Variants in SPEN observed in about 807,000 individuals in gnomAD.
SPEN encodes msx2-interacting protein.
A neutral mutation model predicts 269.9 loss-of-function variants in SPEN; 18 were observed. The ratio of observed to expected loss-of-function variants is 0.07; its 90% CI spans 0.05 to 0.10. SPEN has a LOEUF of 0.10. Among genes scored for constraint, SPEN ranks in the 10% least tolerant of loss-of-function variants. The pLI is 1.00. For synonymous variants in SPEN, 1,726 were observed against 1,765.7 expected (o/e 0.98, Z 0.56); for missense variants, 3,822 against 4,631.2 (o/e 0.83, Z 5.07).
chr1:15,918,961 G>A lies in SPEN; in HGVS notation c.1431G>A (p.Gln477=), dbSNP rs146324760. ...IDIKKVNGVP[Q]YAFLQYCDIA... ...TTAAGAAAGTAAATGGAGTTCCTCA[G>A]TATGCGTTTCTGCAATACTGTGATA... The change falls in exon 7 of 15, where the codon CAG becomes CAA. Residue 477 remains glutamine (Q), a synonymous_variant. Coordinates refer to ENST00000375759, the MANE Select transcript of SPEN (RefSeq NM_015001.3). 1,501 of 1,610,976 alleles carry A rather than the reference G, an allele frequency of 9.3e-4. 1 individual carries two copies. The highest frequency in any genetic ancestry group is 1.2e-3 in the Non-Finnish European group (1,375 of 1,178,562).
At chr1:15,914,855 A>G (rs1036492894) in intron 5 of SPEN, among the ~76,000 whole-genome samples, 1 of 152,178 alleles carries the variant, frequency 6.6e-6, no homozygotes, top group Non-Finnish European at 1.5e-5. Context: ...AGAAGCCGTA[A>G]CAATCATTTC....
Position 15,932,980 on chromosome 1 carries a change from T to G in SPEN, c.6740T>G (p.Leu2247Arg). Reference protein sequence around the residue: ...PPYPGESQTDLQPPAGAQALQ... With the variant: ...PPYPGESQTDRQPPAGAQALQ... ...TATCCTGGAGAATCCCAGACAGATC[T>G]GCAACCCCCCGCAGGTGCACAGGCG... is the stretch of plus-strand genomic sequence containing the variant. The change falls in exon 11 of 15, where the codon CTG becomes CGG. Residue 2247 changes from leucine (L) to arginine (R), a missense_variant. By Grantham distance (102) the Leu-to-Arg change is moderately radical. Coordinates refer to ENST00000375759, the MANE Select transcript of SPEN (RefSeq NM_015001.3). This position sits in a 1 kb window ranked among gnomAD's most constrained non-coding sequence, Gnocchi z 4.2. 2 of 1,614,220 alleles carry G rather than the reference T, an allele frequency of 1.2e-6. No individual in the cohort carries two copies. Among genetic ancestry groups the G allele is most frequent in the Non-Finnish European group, 1.7e-6 (2 of 1,180,028 alleles).
intron 1 of SPEN, among the ~76,000 whole-genome samples, chr1:15,859,144 T>TTG (rs988624990): frequency 1.3e-5 from 2 of 149,496 alleles, no homozygotes; most frequent in African/African-American, 4.9e-5. Flanking sequence ...TTTTTAGTTT[T>TTG]TTTTTTTTTT....
chr1:15,904,366 TGAGGCAGGA>T lies in SPEN; in HGVS notation c.882-4952_882-4944del, dbSNP rs2070931900. On this transcript the variant is annotated intron_variant, in intron 3 of 14. Coordinates refer to ENST00000375759, the MANE Select transcript of SPEN (RefSeq NM_015001.3). The stretch of plus-strand genomic sequence containing the variant: ...GCGGCCAACAAACTACTTGGGAGGC[TGAGGCAGGA>T]GAATCACTTGAACCTGGAAGGTGGA... 6.3e-5 allele frequency among the ~76,000 whole-genome samples: 9 copies of T among 143,092 alleles called. No individual in the cohort carries two copies. The South Asian group carries it at 1.9e-3, about 31-fold the overall frequency. 93.9% of individuals were successfully genotyped at this position (143,092 alleles called of 152,430 possible). A position where few individuals can be genotyped will look rare whatever the true frequency, so the allele number is the denominator to read the frequency against.
chr1:15,904,452 C>CAAAAAAAAAAAAAAAAAAAAAAAAAAAAA lies in SPEN; in HGVS notation c.882-4844_882-4843insAAAAAAAAAAAAAAAAAAAAAAAAAAAAA, dbSNP rs1215369183. ...GGGCAATAAGAGCGAAACTCCATCT[C>CAAAAAAAAAAAAAAAAAAAAAAAAAAAAA]AAAAAAAAAAAAAAAAAAAAAAAAA... On this transcript the variant is annotated intron_variant, in intron 3 of 14. Transcript: ENST00000375759. Among the ~76,000 whole-genome samples, 17 of 48,630 alleles carry CAAAAAAAAAAAAAAAAAAAAAAAAAAAAA rather than the reference C, an allele frequency of 3.5e-4. 1 individual carries two copies. Among genetic ancestry groups the CAAAAAAAAAAAAAAAAAAAAAAAAAAAAA allele is most frequent in the Non-Finnish European group, 4.6e-4 (11 of 23,740 alleles). The allele number at this position is 48,630 out of a possible 152,430, so 31.9% of individuals were successfully genotyped here.
Position 15,929,197 on chromosome 1 carries a change from G to T in SPEN, c.2957G>T (p.Arg986Met). 1 of 1,614,190 alleles carries T rather than the reference G, an allele frequency of 6.2e-7. No individual in the cohort carries two copies. The highest frequency in any genetic ancestry group is 1.3e-5 in the African/African-American group (1 of 75,048). Residue 986 changes from arginine to methionine, a missense_variant, in exon 11 of 15, where the codon AGG becomes ATG. Arg to Met is a moderately conservative substitution (Grantham distance 91, BLOSUM62 -1). Coordinates refer to ENST00000375759, the MANE Select transcript of SPEN (RefSeq NM_015001.3). The surrounding 1 kb of genome is among the most constrained non-coding windows in gnomAD (Gnocchi z 5.8). ...CTGGAGAAGCTGGAAGCCAGGAAAA[G>T]GCGCTTTGCAGATTCCAATTTAAAA... Reference protein sequence around the residue: ...VDLEKLEARKRRFADSNLKAE... With the variant: ...VDLEKLEARKMRFADSNLKAE...
chr1:15,879,579 GATT>G (rs2070666807), intron 3 of SPEN, among the ~76,000 whole-genome samples: 1 of 152,116 alleles, frequency 6.6e-6, no homozygotes, highest in Non-Finnish European at 1.5e-5. Flanking sequence ...GATTTTTGAT[GATT>G]ATTTTATCAA....
intron 9 of SPEN, among the ~76,000 whole-genome samples, chr1:15,921,198 G>A (rs1054952933): frequency 1.2e-4 from 19 of 152,124 alleles, no homozygotes; most frequent in Admixed American, 2.6e-4. Flanking sequence ...GCTTGGTGGC[G>A]CGTGCCTGTT....
chr1:15,856,611 A>G (rs147432361), intron 1 of SPEN, among the ~76,000 whole-genome samples: 2,331 of 134,494 alleles, frequency 0.017, 22 homozygotes, highest in Non-Finnish European at 0.026. Context: ...TGTGTCACCC[A>G]GGCTGGAGTG....
At chr1:15,914,558 C>T (rs181782650) in intron 5 of SPEN, among the ~76,000 whole-genome samples, 6 of 152,308 alleles carry the variant, frequency 3.9e-5, no homozygotes, top group East Asian at 1.9e-4. Flanking sequence ...CGTCGTGGCT[C>T]ACACCTGTAA....
Position 15,933,072 on chromosome 1 carries a change from G to C in SPEN, c.6832G>C (p.Ala2278Pro), listed in dbSNP as rs2071238005. Residue 2278 changes from alanine to proline, a missense_variant, in exon 11 of 15, where the codon GCT becomes CCT. This residue lies in a region of SPEN where 727 missense variants were observed against 737.9 expected (regional missense o/e 0.99). Transcript: ENST00000375759. The surrounding 1 kb of genome is among the most constrained non-coding windows in gnomAD (Gnocchi z 5.7). ...ATCTGGCATCCTGGAAACTGAGGCT[G>C]CTACAGAATCTTCTAGGCCTCCAGT... ...AVSGILETEA[A>P]TESSRPPVNA... is the part of the protein sequence containing the mutation. 6.2e-7 allele frequency: 1 copy of C among 1,614,014 alleles called. No individual in the cohort carries two copies. The highest frequency in any genetic ancestry group is 8.5e-7 in the Non-Finnish European group (1 of 1,179,976).
rs1460179252 is a variant in SPEN, at chr1:15,934,200, C to T, written c.7960C>T (p.Leu2654Phe). The T allele has an allele frequency of 6.2e-7, 1 of 1,614,140 alleles. No homozygotes were observed. Among genetic ancestry groups the T allele is most frequent in the African/African-American group, 1.3e-5 (1 of 74,948 alleles). The change falls in exon 11 of 15, where the codon CTC becomes TTC. Residue 2654 changes from leucine to phenylalanine, a missense_variant. By Grantham distance (22) the Leu-to-Phe change is conservative. Around this residue, in one of 16 missense-constraint regions of SPEN, gnomAD observed 329 missense variants for 431.2 expected, o/e 0.76. Coordinates refer to ENST00000375759, the MANE Select transcript of SPEN (RefSeq NM_015001.3). The surrounding 1 kb of genome is among the most constrained non-coding windows in gnomAD (Gnocchi z 9.2). ...AACCCTCACTGGTCTGGTGAGCGCA[C>T]TCACTGGCCTGGTGAACGTCTCCCT... The part of the protein sequence containing the change: ...PQTLTGLVSA[L>F]TGLVNVSLVP...
chr1:15,862,060 A>T lies in SPEN; in HGVS notation c.84-10756A>T, dbSNP rs148408785. 5.5e-4 allele frequency among the ~76,000 whole-genome samples: 83 copies of T among 152,172 alleles called. 1 individual carries two copies. The East Asian group carries it at 0.015, about 28-fold the overall frequency. On this transcript the variant is annotated intron_variant, in intron 1 of 14. Transcript: ENST00000375759. ...CCGTCTCAAAAAATAAAAAAACAAA[A>T]AACAAAAATTGCGGGAGTTAGCCAC...
At chr1:15,885,724 G>T (rs4661670) in intron 3 of SPEN, among the ~76,000 whole-genome samples, 10,757 of 152,256 alleles carry the variant, frequency 0.071, 439 homozygotes, top group Non-Finnish European at 0.082. Flanking sequence ...CTTGTTCCCT[G>T]CTTAATGCTA....
At chr1:15,869,148 C>T (rs2070547858) in intron 1 of SPEN, among the ~76,000 whole-genome samples, 1 of 152,008 alleles carries the variant, frequency 6.6e-6, no homozygotes, top group Non-Finnish European at 1.5e-5. Context: ...TCTCTGCCTC[C>T]CAGGTTCAAG....
chr1:15,852,809 T>A (rs1045624559), intron 1 of SPEN, among the ~76,000 whole-genome samples: 4 of 152,210 alleles, frequency 2.6e-5, no homozygotes, highest in African/African-American at 7.2e-5. Flanking sequence ...CTGAAATTTT[T>A]AAAAAATTGA....
At chr1:15,914,673 A>C (rs1033082716) in intron 5 of SPEN, among the ~76,000 whole-genome samples, 1 of 152,072 alleles carries the variant, frequency 6.6e-6, no homozygotes, top group African/African-American at 2.4e-5. Context: ...AAATACAAAA[A>C]TTTGGCCAGG....
chr1:15,938,957 C>G, intron 14 of SPEN, 81 bp downstream of exon 14: 2 of 1,508,812 alleles, frequency 1.3e-6, no homozygotes, highest in Admixed American at 1.8e-5. Flanking sequence ...TCATCTGGTG[C>G]CCACTAGATC....
rs761923759 is a variant in SPEN, at chr1:15,931,722, G to C, written c.5482G>C (p.Val1828Leu). The change falls in exon 11 of 15, where the codon GTT becomes CTT. Residue 1828 changes from valine to leucine, a missense_variant. Transcript: ENST00000375759. The surrounding 1 kb of genome is among the most constrained non-coding windows in gnomAD (Gnocchi z 4.8). ...CAAAAGCAAGCGTTCAAAGACCCCT[G>C]TTCAGGCAGCTGCAGTGAGTATCGT... ...PNKSKRSKTP[V>L]QAAAVSIVEK... is the part of the protein sequence containing the mutation. 6.2e-7 allele frequency: 1 copy of C among 1,614,156 alleles called. No individual in the cohort carries two copies. The highest frequency in any genetic ancestry group is 1.3e-5 in the African/African-American group (1 of 75,022).
Sources: gnomAD v4.1 joint callset for allele counts (sites outside exome capture counted in the v4.1 genomes callset) on GRCh38, gnomAD v4.1.1 for gene constraint, gnomAD v4.1.1 regional missense constraint, Gnocchi (gnomAD v3.1) non-coding constraint, MANE v1.5 for transcripts, NCBI Gene and HGNC (gene_info 2026-07-23, HGNC 2026-07-21) for gene names.